SLC17A3: variants seen among roughly 807,000 people sequenced by gnomAD.
SLC17A3 encodes the protein solute carrier family 17 member 3.
A neutral mutation model predicts 60.3 loss-of-function variants in SLC17A3; 61 were observed. The observed-to-expected ratio is 1.01, with a 90% confidence interval of 0.82 to 1.25. The LOEUF (loss-of-function observed/expected upper bound fraction) is 1.25, where lower values mean the gene tolerates loss of function less well. SLC17A3 is among the 50% of genes most tolerant of loss of function. The pLI is 0.00. For missense variants in SLC17A3, 624 were observed against 594.9 expected, an observed-to-expected ratio of 1.05 and a Z score of -0.51; for synonymous variants, 192 against 208.9, an observed-to-expected ratio of 0.92 and a Z score of 0.70.
intron 11 of SLC17A3, among the ~76,000 whole-genome samples, chr6:25,846,541 T>G (rs1765177448): frequency 1.3e-5 from 2 of 152,190 alleles, no homozygotes; most frequent in Admixed American, 1.3e-4. Context: ...AAGGTAATAG[T>G]TACAACCAGG....
chr6:25,858,761 T>G lies in SLC17A3; in HGVS notation c.625+2863A>C, dbSNP rs1018772091. ...AATTATAAGCCAATCTCCATTCAGA[T>G]GCCTAACAGTTCATGGCTAATAGTT... On this transcript the variant is annotated intron_variant, in intron 5 of 12. Transcript: ENST00000397060. Among the ~76,000 whole-genome samples the G allele has an allele frequency of 1.8e-4, 27 of 152,228 alleles. 1 individual carries two copies. The highest frequency in any genetic ancestry group is 3.7e-4 in the Non-Finnish European group (25 of 68,036).
At chr6:25,851,909 AG>A (rs1210506552) in intron 6 of SLC17A3, among the ~76,000 whole-genome samples, 3 of 152,154 alleles carry the variant, frequency 2.0e-5, no homozygotes, top group Admixed American at 6.5e-5. Context: ...TTTAGTTTTC[AG>A]TGCACAGCCC....
chr6:25,871,335 T>C (rs1765636950), intron 1 of SLC17A3, among the ~76,000 whole-genome samples: 1 of 152,004 alleles, frequency 6.6e-6, no homozygotes, highest in African/African-American at 2.4e-5. Flanking sequence ...TCATGTCCTT[T>C]GTAGGGACAT....
At chr6:25,864,811 T>C (rs575938126) in intron 2 of SLC17A3, among the ~76,000 whole-genome samples, 1 of 152,036 alleles carries the variant, frequency 6.6e-6, no homozygotes, top group East Asian at 1.9e-4. Context: ...CAGAAGATAC[T>C]TAAAGCCATA....
intron 5 of SLC17A3, among the ~76,000 whole-genome samples, chr6:25,856,139 T>C (rs1311403842): frequency 6.6e-6 from 1 of 152,222 alleles, no homozygotes; most frequent in East Asian, 1.9e-4. Context: ...TAGAAGTGTG[T>C]AGTACCAAAT....
At chr6:25,861,445 T>G (rs1202236722) in intron 5 of SLC17A3, among the ~76,000 whole-genome samples, 179 bp downstream of exon 5, 1 of 152,098 alleles carries the variant, frequency 6.6e-6, no homozygotes, top group Non-Finnish European at 1.5e-5. Flanking sequence ...ATGCCACAAA[T>G]GACATCCTAG....
At chr6:25,862,539 C>T (rs151168556) in intron 2 of SLC17A3, 95 bp from the exon 3 acceptor site, 47 of 970,376 alleles carry the variant, frequency 4.8e-5, no homozygotes, top group South Asian at 3.3e-4. Flanking sequence ...GATCACTTAA[C>T]GATTTAAATC....
At position 25,861,951 on chromosome 6, in the gene SLC17A3, C is replaced by G. The variant is rs765547232; in HGVS notation, c.382G>C (p.Ala128Pro). The change falls in exon 4 of 13, where the codon GCT becomes CCT. Residue 128 changes from alanine (A) to proline (P), a missense_variant. Transcript: ENST00000397060. Reference protein sequence around the residue: ...AVGYGGILTMAPSGYLAGRVG... With the variant: ...AVGYGGILTMPPSGYLAGRVG... ...CTTCCAGCCAGGTATCCACTGGGAG[C>G]CATTGTCAGTATGCCACCATAGCCA... 6.2e-7 allele frequency: 1 copy of G among 1,612,542 alleles called. No homozygotes were observed. Among genetic ancestry groups the G allele is most frequent in the South Asian group, 1.1e-5 (1 of 90,734 alleles).
chr6:25,861,734 T>A, intron 4 of SLC17A3, 23 bp from the exon 5 acceptor site: 2 of 1,611,800 alleles, frequency 1.2e-6, no homozygotes, highest in African/African-American at 2.7e-5. Context: ...TGATTAGAGT[T>A]CTTAATGTGT....
chr6:25,859,212 A>G (rs1454426776), intron 5 of SLC17A3, among the ~76,000 whole-genome samples: 3 of 152,198 alleles, frequency 2.0e-5, no homozygotes, highest in African/African-American at 7.2e-5. Context: ...GAATATAGAT[A>G]TAAAAGGATA....
At chr6:25,868,020 C>T (rs188771929) in intron 2 of SLC17A3, among the ~76,000 whole-genome samples, 57 of 151,702 alleles carry the variant, frequency 3.8e-4, no homozygotes, top group African/African-American at 1.4e-3. Context: ...TACATGCAAT[C>T]ACAAGCAGGA....
intron 8 of SLC17A3, 86 bp downstream of exon 8, chr6:25,850,373 C>T (rs1765253025): frequency 2.8e-6 from 4 of 1,442,854 alleles, no homozygotes; most frequent in African/African-American, 2.8e-5. Flanking sequence ...ATAAGAAATA[C>T]ATTTCTCAGA....
At chr6:25,850,312 A>G in intron 8 of SLC17A3, 135 bp from the exon 9 acceptor site, 1 of 1,315,706 alleles carries the variant, frequency 7.6e-7, no homozygotes, top group Non-Finnish European at 1.1e-6. Context: ...CTTAAATCAT[A>G]CCCCAGAAAA....
chr6:25,858,089 C>T (rs1581525887), intron 5 of SLC17A3, among the ~76,000 whole-genome samples: 1 of 152,078 alleles, frequency 6.6e-6, no homozygotes, highest in Non-Finnish European at 1.5e-5. Flanking sequence ...GATCTCGGCT[C>T]ACTGCAACCT....
intron 1 of SLC17A3, among the ~76,000 whole-genome samples, 153 bp downstream of exon 1, chr6:25,874,014 T>C (rs1765689673): frequency 6.6e-6 from 1 of 152,152 alleles, no homozygotes; most frequent in Non-Finnish European, 1.5e-5. Context: ...TCCCTCACTT[T>C]TGTCAGTCTT....
At chr6:25,845,800 T>C (rs1280607712) in intron 11 of SLC17A3, among the ~76,000 whole-genome samples, 2 of 152,236 alleles carry the variant, frequency 1.3e-5, no homozygotes, top group Admixed American at 1.3e-4. Flanking sequence ...ATATAAACTA[T>C]GCTGAGAATC....
chr6:25,857,601 C>T (rs58011016), intron 5 of SLC17A3, among the ~76,000 whole-genome samples: 13,592 of 151,324 alleles, frequency 0.09, 1,287 homozygotes, highest in East Asian at 0.5. Flanking sequence ...ACTTGTGTTG[C>T]CTCATTTAAG....
At chr6:25,865,996 T>C (rs1173983224) in intron 2 of SLC17A3, among the ~76,000 whole-genome samples, 1 of 151,980 alleles carries the variant, frequency 6.6e-6, no homozygotes, top group African/African-American at 2.4e-5. Flanking sequence ...AGAAAGCTTA[T>C]TTCTTAATTT....
At chr6:25,864,611 T>C (rs1371492386) in intron 2 of SLC17A3, among the ~76,000 whole-genome samples, 1 of 144,506 alleles carries the variant, frequency 6.9e-6, no homozygotes, top group African/African-American at 2.6e-5. Context: ...AAGTTCTGCT[T>C]TCCTAGGAAG....
Sources: allele counts gnomAD v4.1 joint callset (sites outside exome capture counted in the v4.1 genomes callset), GRCh38; gene constraint gnomAD v4.1.1; transcripts MANE v1.5; gene names NCBI Gene and HGNC (gene_info 2026-07-23, HGNC 2026-07-21).